The following ZNF609 variants were observed in gnomAD, a reference collection of about 807,000 sequenced individuals.
ZNF609 encodes zinc finger protein 609.
ZNF609 carries 11 observed loss-of-function variants against 109.5 expected under a neutral mutation model. That is an observed-to-expected ratio of 0.10 (90% CI 0.06 to 0.17). The LOEUF is 0.17. Ranked by LOEUF, ZNF609 falls within the 10% of genes least tolerant of loss-of-function variation. The pLI is 1.00. For missense variants in ZNF609, 1,559 were observed against 1,772.4 expected, an observed-to-expected ratio of 0.88 and a Z score of 2.16; for synonymous variants, 646 against 662.0, an observed-to-expected ratio of 0.98 and a Z score of 0.37.
chr15:64,539,607 G>A (rs1226183708), intron 2 of ZNF609, among the ~76,000 whole-genome samples: 3 of 151,508 alleles, frequency 2.0e-5, no homozygotes, highest in African/African-American at 4.8e-5. Context: ...CGGTTCAAGC[G>A]ATTCTCCTGC....
At position 64,666,074 on chromosome 15, in the gene ZNF609, C is replaced by CAAA. The variant is rs35347624; in HGVS notation, c.974-4259_974-4257dup. Among the ~76,000 whole-genome samples, 7 of 134,364 alleles carry CAAA rather than the reference C, an allele frequency of 5.2e-5. No homozygotes were observed. The East Asian group carries it at 6.5e-4, about 12-fold the overall frequency. 88.1% of individuals were successfully genotyped at this position (134,364 alleles called of 152,430 possible). A position where few individuals can be genotyped will look rare whatever the true frequency, so the allele number is the denominator to read the frequency against. On this transcript the variant is annotated intron_variant, in intron 3 of 9. Coordinates refer to ENST00000326648, the MANE Select transcript of ZNF609 (RefSeq NM_015042.2). Reference sequence around the variant, plus strand: ...TGGGCAACAGAGCAAGACTTCGTCTCAAAAAAAAAAAAAAACACACACACA... The same window carrying CAAA: ...TGGGCAACAGAGCAAGACTTCGTCTCAAAAAAAAAAAAAAAAAACACACACACA...
intron 1 of ZNF609, among the ~76,000 whole-genome samples, chr15:64,464,781 G>A (rs551031027): frequency 2.6e-5 from 4 of 152,282 alleles, no homozygotes; most frequent in East Asian, 3.9e-4. Flanking sequence ...ATTCACCAAA[G>A]CACCTGCCTA....
intron 3 of ZNF609, among the ~76,000 whole-genome samples, chr15:64,657,870 C>CTT (rs1201505301): frequency 6.7e-6 from 1 of 149,000 alleles, no homozygotes; most frequent in African/African-American, 2.5e-5. Flanking sequence ...CTATTTACTT[C>CTT]TTTTTTTTTT....
At chr15:64,634,735 C>G (rs1024725472) in intron 3 of ZNF609, among the ~76,000 whole-genome samples, 1 of 152,078 alleles carries the variant, frequency 6.6e-6, no homozygotes, top group East Asian at 1.9e-4. Context: ...GCTTGAATCC[C>G]GAAGAAATAG....
chr15:64,540,647 G>T (rs983722432), intron 2 of ZNF609, among the ~76,000 whole-genome samples: 1 of 151,036 alleles, frequency 6.6e-6, no homozygotes, highest in Non-Finnish European at 1.5e-5. Context: ...CTCGTGATCC[G>T]CACGCCTCGG....
At chr15:64,546,234 T>C (rs557112740) in intron 2 of ZNF609, among the ~76,000 whole-genome samples, 1 of 152,162 alleles carries the variant, frequency 6.6e-6, no homozygotes, top group East Asian at 1.9e-4. Context: ...ACATCTCTCA[T>C]TGTGATTTTA....
Position 64,490,029 on chromosome 15 carries a change from G to A in ZNF609, c.-127-9264G>A, listed in dbSNP as rs186724037. On this transcript the variant is annotated intron_variant, in intron 1 of 9. Transcript: ENST00000326648. Reference sequence around the variant, plus strand: ...GCGGGAGTGCAGTGGCATGATCACAGCTCACTGCAGCCTCAACCTCTTGGG... The same window carrying A: ...GCGGGAGTGCAGTGGCATGATCACAACTCACTGCAGCCTCAACCTCTTGGG... Among the ~76,000 whole-genome samples the A allele has an allele frequency of 3.1e-3, 472 of 152,282 alleles. 5 individuals carry two copies. Among genetic ancestry groups the A allele is most frequent in the Non-Finnish European group, 5.5e-3 (371 of 68,022 alleles).
At chr15:64,680,385 C>T (rs1323544269) in intron 7 of ZNF609, 25 bp downstream of exon 7, 6 of 1,609,902 alleles carry the variant, frequency 3.7e-6, no homozygotes, top group Non-Finnish European at 4.2e-6. Context: ...GTGATGCTGG[C>T]TGTTACCCAA....
intron 3 of ZNF609, among the ~76,000 whole-genome samples, chr15:64,629,781 CACTCT>C (rs1896036040): frequency 6.6e-6 from 1 of 152,286 alleles, no homozygotes; most frequent in African/African-American, 2.4e-5. Flanking sequence ...TAGAATCTGC[CACTCT>C]TCTGCTTTGC....
chr15:64,622,434 A>T (rs1895890982), intron 2 of ZNF609, among the ~76,000 whole-genome samples: 1 of 152,190 alleles, frequency 6.6e-6, no homozygotes, highest in African/African-American at 2.4e-5. Context: ...CATACCTCAG[A>T]TGCTGGGCCT....
intron 2 of ZNF609, among the ~76,000 whole-genome samples, chr15:64,510,639 G>A (rs1893710646): frequency 1.3e-5 from 2 of 152,098 alleles, no homozygotes; most frequent in Admixed American, 6.5e-5. Context: ...GACATCTACT[G>A]GGGGTTTTTG....
At chr15:64,628,770 C>T (rs965124831) in intron 3 of ZNF609, among the ~76,000 whole-genome samples, 1 of 152,034 alleles carries the variant, frequency 6.6e-6, no homozygotes, top group Non-Finnish European at 1.5e-5. Flanking sequence ...GGATTACAGG[C>T]GTGTGCCACC....
intron 3 of ZNF609, among the ~76,000 whole-genome samples, chr15:64,647,571 T>A (rs1167313630): frequency 2.0e-5 from 3 of 152,166 alleles, no homozygotes; most frequent in Non-Finnish European, 4.4e-5. Flanking sequence ...TTTCGTAATC[T>A]TCTTTGTTTA....
chr15:64,532,229 T>C (rs996221638), intron 2 of ZNF609, among the ~76,000 whole-genome samples: 7 of 152,214 alleles, frequency 4.6e-5, no homozygotes, highest in Admixed American at 1.3e-4. Context: ...TATTTGAAAT[T>C]TGCAACCACC....
intron 2 of ZNF609, among the ~76,000 whole-genome samples, chr15:64,545,574 T>C (rs1894344972): frequency 1.3e-5 from 2 of 152,212 alleles, no homozygotes; most frequent in Non-Finnish European, 2.9e-5. Context: ...TACAGATTGA[T>C]GACTTTTGTG....
intron 2 of ZNF609, among the ~76,000 whole-genome samples, chr15:64,614,820 T>A (rs1895773740): frequency 7.0e-6 from 1 of 142,022 alleles, no homozygotes; most frequent in African/African-American, 2.6e-5. Context: ...CTTTTTTTTT[T>A]TTTTTTTTTT....
At chr15:64,587,750 A>T (rs1895221522) in intron 2 of ZNF609, among the ~76,000 whole-genome samples, 1 of 152,150 alleles carries the variant, frequency 6.6e-6, no homozygotes, top group Admixed American at 6.5e-5. Flanking sequence ...CTATAAAAAT[A>T]GCTCTTTTGC....
chr15:64,485,552 C>T (rs1425124803), intron 1 of ZNF609, among the ~76,000 whole-genome samples: 1 of 152,128 alleles, frequency 6.6e-6, no homozygotes, highest in Non-Finnish European at 1.5e-5. Context: ...CCTATAACCC[C>T]AACACTTTGG....
At chr15:64,597,817 G>A (rs576974661) in intron 2 of ZNF609, among the ~76,000 whole-genome samples, 2 of 152,242 alleles carry the variant, frequency 1.3e-5, no homozygotes, top group East Asian at 3.9e-4. Flanking sequence ...CCAGTGACCT[G>A]TGCAGTGGAT....
Sources: allele counts gnomAD v4.1 joint callset (sites outside exome capture counted in the v4.1 genomes callset), GRCh38; gene constraint gnomAD v4.1.1; transcripts MANE v1.5; gene names NCBI Gene and HGNC (gene_info 2026-07-23, HGNC 2026-07-21).